The following TRIM24 variants were observed in gnomAD, a reference collection of about 807,000 sequenced individuals.
TRIM24 encodes the protein transcription intermediary factor 1-alpha.
A neutral mutation model predicts 123.9 loss-of-function variants in TRIM24; 29 were observed. The ratio of observed to expected loss-of-function variants is 0.23; its 90% CI spans 0.17 to 0.32. The LOEUF (loss-of-function observed/expected upper bound fraction) is 0.32. Among genes scored for constraint, TRIM24 ranks in the 10% least tolerant of loss-of-function variants. TRIM24 has a pLI of 1.00. For missense variants in TRIM24, 932 were observed against 1,295.3 expected, an observed-to-expected ratio of 0.72 and a Z score of 4.31; for synonymous variants, 456 against 461.1, an observed-to-expected ratio of 0.99 and a Z score of 0.14.
chr7:138,485,615 G>C (rs1795628298), intron 1 of TRIM24, among the ~76,000 whole-genome samples: 1 of 152,018 alleles, frequency 6.6e-6, no homozygotes. Context: ...TTGGTTTTCT[G>C]TTTGCTCAGA....
chr7:138,505,509 GGTTGTTGTTGTTGTTGTTGTTGTTGTT>G (rs59585473), intron 2 of TRIM24, among the ~76,000 whole-genome samples: 1 of 143,820 alleles, frequency 7.0e-6, no homozygotes, highest in East Asian at 2.1e-4. Context: ...TGGGGGTGGT[GGTTGTTGTTGTTGTTGTTGTTGTTGTT>G]GTTGTTGTTG....
chr7:138,471,461 C>T (rs1374418170), intron 1 of TRIM24, among the ~76,000 whole-genome samples: 2 of 151,876 alleles, frequency 1.3e-5, no homozygotes, highest in Non-Finnish European at 2.9e-5. Context: ...TCTCAAAGGA[C>T]TTTCTTCTGA....
At chr7:138,462,733 C>T (rs1795030532) in intron 1 of TRIM24, among the ~76,000 whole-genome samples, 2 of 152,180 alleles carry the variant, frequency 1.3e-5, no homozygotes, top group Non-Finnish European at 2.9e-5. Flanking sequence ...CTGTCACCAT[C>T]CATGAAACTG....
At chr7:138,516,301 C>T (rs1796394266) in intron 3 of TRIM24, among the ~76,000 whole-genome samples, 1 of 152,230 alleles carries the variant, frequency 6.6e-6, no homozygotes, top group Admixed American at 6.5e-5. Flanking sequence ...GACTCCGTCT[C>T]AAAAAATAAT....
In TRIM24 at chr7:138,554,760, G is replaced by C; in HGVS notation, c.1324G>C (p.Glu442Gln). 6.2e-7 allele frequency: 1 copy of C among 1,614,114 alleles called. No individual in the cohort carries two copies. The highest frequency in any genetic ancestry group is 8.5e-7 in the Non-Finnish European group (1 of 1,179,966). Reference protein sequence around the residue: ...PQMPKQNPVVEQNSQPPSGLS... With the variant: ...PQMPKQNPVVQQNSQPPSGLS... ...AATGCCTAAGCAGAATCCTGTCGTG[G>C]AACAGAATTCACAGCCACCAAGTGG... The change falls in exon 9 of 19, where the codon GAA becomes CAA. Residue 442 changes from glutamate to glutamine, a missense_variant. By Grantham distance (29) the Glu-to-Gln change is conservative. Coordinates refer to ENST00000343526, the MANE Select transcript of TRIM24 (RefSeq NM_015905.3). The surrounding 1 kb of genome is among the most constrained non-coding windows in gnomAD (Gnocchi z 4.5).
intron 2 of TRIM24, among the ~76,000 whole-genome samples, chr7:138,508,692 T>TGTGTGTGTGCGCGC (rs1422176564): frequency 1.3e-4 from 18 of 137,276 alleles, no homozygotes; most frequent in Admixed American, 5.0e-4. Flanking sequence ...TGTGTGTGTG[T>TGTGTGTGTGCGCGC]GCGCGCGCGT....
chr7:138,571,636 C>CA (rs1162724817), intron 11 of TRIM24, among the ~76,000 whole-genome samples: 3 of 152,218 alleles, frequency 2.0e-5, no homozygotes, highest in African/African-American at 7.2e-5. Flanking sequence ...ATCATACTGA[C>CA]AAGTGCAAAA....
At chr7:138,517,872 C>G (rs576563232) in intron 3 of TRIM24, among the ~76,000 whole-genome samples, 12 of 152,146 alleles carry the variant, frequency 7.9e-5, no homozygotes, top group Non-Finnish European at 1.6e-4. Context: ...CTCTTGCTTT[C>G]TCTCTCGCAT....
intron 1 of TRIM24, among the ~76,000 whole-genome samples, chr7:138,487,310 G>C (rs1421794076): frequency 1.1e-4 from 17 of 152,086 alleles, no homozygotes; most frequent in Admixed American, 2.0e-4. Context: ...TTCCTCTTTT[G>C]CTAATTGAAT....
chr7:138,524,126 G>T (rs1254200702), intron 4 of TRIM24, among the ~76,000 whole-genome samples: 1 of 152,032 alleles, frequency 6.6e-6, no homozygotes, highest in Non-Finnish European at 1.5e-5. Flanking sequence ...AAAGGAAAAA[G>T]TATATGCCTA....
At chr7:138,489,044 C>T (rs975407234) in intron 1 of TRIM24, among the ~76,000 whole-genome samples, 5 of 152,218 alleles carry the variant, frequency 3.3e-5, no homozygotes, top group South Asian at 2.1e-4. Flanking sequence ...GTATTGGGTG[C>T]ATATATATTC....
rs572284735 is a variant in TRIM24, at chr7:138,589,234, TAGTC to T, written c.*4290_*4293del. 277 of 152,316 alleles carry T rather than the reference TAGTC, an allele frequency of 1.8e-3. 1 individual carries two copies. Among genetic ancestry groups the T allele is most frequent in the African/African-American group, 6.4e-3 (267 of 41,568 alleles). The allele number at this position is 152,316 out of a possible 1,614,324, so 9.4% of individuals were successfully genotyped here. ...TCATGTTTCTGAGTGAGAATAATGC[TAGTC>T]AGTCAGATCACAGATTTTTCTCCAT... On this transcript the variant is annotated 3_prime_UTR_variant, in exon 19 of 19. Transcript: ENST00000343526.
At chr7:138,461,079 C>T in intron 1 of TRIM24, 167 bp downstream of exon 1, 1 of 808,282 alleles carries the variant, frequency 1.2e-6, no homozygotes, top group Non-Finnish European at 2.0e-6. Context: ...AGGGCCCGCG[C>T]TCTGCGGCGT....
chr7:138,585,435 A>G lies in TRIM24; in HGVS notation c.*484A>G. On this transcript the variant is annotated 3_prime_UTR_variant, in exon 19 of 19. Transcript: ENST00000343526. ...ATATGAATTAGGTGTACTGTACTGAAGAACAGTACTCCACAAACATGGGTG... is the reference window on the plus strand; with the variant it reads ...ATATGAATTAGGTGTACTGTACTGAGGAACAGTACTCCACAAACATGGGTG... 1 of 282,894 alleles carries G rather than the reference A, an allele frequency of 3.5e-6. No homozygotes were observed. The highest frequency in any genetic ancestry group is 6.7e-6 in the Non-Finnish European group (1 of 148,580). The allele number at this position is 282,894 out of a possible 1,614,324, so 17.5% of individuals were successfully genotyped here. A position where few individuals can be genotyped will look rare whatever the true frequency, so the allele number is the denominator to read the frequency against.
At chr7:138,517,163 T>C (rs769862018) in intron 3 of TRIM24, among the ~76,000 whole-genome samples, 7 of 151,956 alleles carry the variant, frequency 4.6e-5, no homozygotes, top group Non-Finnish European at 8.8e-5. Context: ...CATCTTGATG[T>C]GTTGTGCTTT....
chr7:138,490,902 G>A, intron 1 of TRIM24: 1 of 417,618 alleles, frequency 2.4e-6, no homozygotes, highest in Admixed American at 2.9e-5. Context: ...TTGGTGCAGA[G>A]CATAAGAGAT....
intron 2 of TRIM24, among the ~76,000 whole-genome samples, chr7:138,504,674 A>G (rs980799219): frequency 6.6e-6 from 1 of 151,398 alleles, no homozygotes; most frequent in Admixed American, 6.6e-5. Flanking sequence ...GTTAGCTAGG[A>G]TGGTCTCAAT....
At chr7:138,502,517 C>G (rs1355416217) in intron 1 of TRIM24, among the ~76,000 whole-genome samples, 6 of 152,156 alleles carry the variant, frequency 3.9e-5, no homozygotes, top group African/African-American at 1.4e-4. Context: ...AAAGTCCATG[C>G]TATATCTCCA....
intron 1 of TRIM24, among the ~76,000 whole-genome samples, chr7:138,487,514 G>A (rs183068274): frequency 4.5e-4 from 68 of 152,208 alleles, no homozygotes; most frequent in African/African-American, 1.6e-3. Context: ...TTTGAGATAC[G>A]TTCCACCAAT....
Sources: gnomAD v4.1 joint callset for allele counts (sites outside exome capture counted in the v4.1 genomes callset) on GRCh38, gnomAD v4.1.1 for gene constraint, Gnocchi (gnomAD v3.1) non-coding constraint, MANE v1.5 for transcripts, NCBI Gene and HGNC (gene_info 2026-07-23, HGNC 2026-07-21) for gene names.